Variants in CCDC15 observed in about 807,000 individuals in gnomAD.
The protein encoded by CCDC15 is coiled-coil domain-containing protein 15.
Under a neutral mutation model 114.5 loss-of-function variants are expected in CCDC15, and 105 were observed. The observed-to-expected ratio is 0.92, with a 90% CI of 0.78 to 1.08. The LOEUF (loss-of-function observed/expected upper bound fraction) is 1.08. Among genes scored for constraint, CCDC15 ranks in the 50% least tolerant of loss-of-function variants. The pLI, the probability that CCDC15 is intolerant of heterozygous loss-of-function variation, is 0.00. For synonymous variants in CCDC15, 334 were observed against 377.8 expected, an observed-to-expected ratio of 0.88 and a Z score of 1.34; for missense variants, 1,105 against 1,093.6, an observed-to-expected ratio of 1.01 and a Z score of -0.15.
intron 2 of CCDC15, among the ~76,000 whole-genome samples, chr11:124,957,450 G>A (rs1484893958): frequency 6.6e-6 from 1 of 152,188 alleles, no homozygotes; most frequent in Non-Finnish European, 1.5e-5. Context: ...TCACAGCATG[G>A]TAATCTCAGG....
At chr11:124,997,588 C>T (rs1565373130) in intron 11 of CCDC15, among the ~76,000 whole-genome samples, 1 of 152,110 alleles carries the variant, frequency 6.6e-6, no homozygotes, top group Non-Finnish European at 1.5e-5. Context: ...TGCTCCTGGC[C>T]ATCATTTTAG....
chr11:125,026,336 G>T (rs756192170), intron 13 of CCDC15, among the ~76,000 whole-genome samples: 13 of 152,134 alleles, frequency 8.5e-5, no homozygotes, highest in Non-Finnish European at 1.9e-4. Context: ...TAGCAGCACT[G>T]TGTTCCATTA....
intron 13 of CCDC15, among the ~76,000 whole-genome samples, chr11:125,007,127 A>G (rs1454836041): frequency 6.6e-6 from 1 of 152,192 alleles, no homozygotes; most frequent in Non-Finnish European, 1.5e-5. Flanking sequence ...GTTTTGAAAT[A>G]TACAATAAAT....
chr11:125,040,324 A>T (rs930004063), intron 15 of CCDC15, among the ~76,000 whole-genome samples: 2 of 152,166 alleles, frequency 1.3e-5, no homozygotes, highest in Non-Finnish European at 2.9e-5. Flanking sequence ...GGTGTGAGCC[A>T]CTGTGCCTGG....
chr11:124,967,959 G>T (rs1264884794), intron 4 of CCDC15, among the ~76,000 whole-genome samples: 1 of 152,216 alleles, frequency 6.6e-6, no homozygotes, highest in Non-Finnish European at 1.5e-5. Context: ...GGTATCACCA[G>T]TGGAGGCTGC....
chr11:125,028,579 T>C (rs1172408048), intron 13 of CCDC15, among the ~76,000 whole-genome samples: 2 of 152,176 alleles, frequency 1.3e-5, no homozygotes, highest in African/African-American at 4.8e-5. Flanking sequence ...CTTGATTTGA[T>C]GATTTGATTC....
intron 4 of CCDC15, among the ~76,000 whole-genome samples, chr11:124,974,878 C>T (rs1321558281): frequency 2.6e-5 from 4 of 152,072 alleles, no homozygotes; most frequent in East Asian, 1.9e-4. Flanking sequence ...TTTGAGTAAC[C>T]GCCCTTAAAC....
chr11:124,967,759 T>A (rs1267053966), intron 4 of CCDC15, among the ~76,000 whole-genome samples: 1 of 152,248 alleles, frequency 6.6e-6, no homozygotes, highest in Non-Finnish European at 1.5e-5. Flanking sequence ...TTTCTCCCCA[T>A]CTTTGTGGTT....
At position 124,991,514 on chromosome 11, in the gene CCDC15, AG is replaced by A. The variant is rs779973144; in HGVS notation, c.1963del (p.Asp655ThrfsTer29). 6.5e-5 allele frequency: 105 copies of A among 1,608,608 alleles called. No individual in the cohort carries two copies. The African/African-American group carries it at 1.2e-3, about 18-fold the overall frequency. On this transcript the variant is annotated frameshift_variant, in exon 9 of 16. Coordinates refer to ENST00000344762, the MANE Select transcript of CCDC15 (RefSeq NM_025004.3). LOFTEE classifies it high-confidence loss of function. ...SDMTDEKGREDFSLADYQCLP... is the reference protein window; with the variant it reads ...SDMTDEKGREXFSLADYQCLP... ...ATATGACAGATGAGAAAGGGAGAGA[AG>A]ACTTTTCTCTGGCAGACTATCAGTG...
intron 13 of CCDC15, among the ~76,000 whole-genome samples, chr11:125,013,526 G>T (rs1591608708): frequency 6.6e-6 from 1 of 152,254 alleles, no homozygotes; most frequent in Middle Eastern, 3.4e-3. Context: ...AGGGCACTGG[G>T]AACAGAGAGT....
chr11:125,008,200 T>C (rs561165148), intron 13 of CCDC15, among the ~76,000 whole-genome samples: 3 of 152,230 alleles, frequency 2.0e-5, no homozygotes, highest in Non-Finnish European at 4.4e-5. Flanking sequence ...CTTTGATTTC[T>C]TTCTTCAGTG....
intron 13 of CCDC15, among the ~76,000 whole-genome samples, chr11:125,008,905 A>G (rs1334358913): frequency 6.6e-6 from 1 of 152,034 alleles, no homozygotes; most frequent in Non-Finnish European, 1.5e-5. Flanking sequence ...TGTGCCTACT[A>G]ACTTCTAAAC....
intron 13 of CCDC15, among the ~76,000 whole-genome samples, chr11:125,007,237 TCCTCCCTTCCCAC>T (rs1262293258): frequency 6.6e-6 from 1 of 152,206 alleles, no homozygotes; most frequent in Non-Finnish European, 1.5e-5. Flanking sequence ...CTTCATCCTC[TCCTCCCTTCCCAC>T]CCTCTGGTTA....
intron 11 of CCDC15, among the ~76,000 whole-genome samples, chr11:124,995,836 CT>C (rs879919474): frequency 1.4e-3 from 198 of 144,122 alleles, no homozygotes; most frequent in East Asian, 1.8e-3. Context: ...GCCTTTTCTC[CT>C]TTTTTTTTTT....
intron 13 of CCDC15, among the ~76,000 whole-genome samples, chr11:125,034,101 G>A (rs1948758956): frequency 6.6e-6 from 1 of 152,166 alleles, no homozygotes; most frequent in Non-Finnish European, 1.5e-5. Flanking sequence ...CTCAGGGGAG[G>A]CCATCACTGT....
rs953757676 is a variant in CCDC15 at position 125,031,701 on chromosome 11, A to G, written c.2412-6730A>G. Among the ~76,000 whole-genome samples the G allele has an allele frequency of 6.6e-5, 10 of 152,318 alleles. No individual in the cohort carries two copies. The South Asian group carries it at 1.0e-3, about 16-fold the overall frequency. On this transcript the variant is annotated intron_variant, in intron 13 of 15. Coordinates refer to ENST00000344762, the MANE Select transcript of CCDC15 (RefSeq NM_025004.3). ...CTATGAGGGCCTGCCAAAGGCTCCA[A>G]ACAGCATCCTTATCTGCCACTGACA...
intron 13 of CCDC15, among the ~76,000 whole-genome samples, chr11:125,007,414 A>C (rs982062987): frequency 6.6e-6 from 1 of 152,130 alleles, no homozygotes; most frequent in African/African-American, 2.4e-5. Flanking sequence ...ACAGGATTTC[A>C]TTCTTTTTAT....
chr11:124,979,409 C>T (rs1320995173), intron 6 of CCDC15, among the ~76,000 whole-genome samples: 1 of 152,146 alleles, frequency 6.6e-6, no homozygotes, highest in Non-Finnish European at 1.5e-5. Context: ...TCTTTTTATC[C>T]ATGAGCATGA....
chr11:124,979,751 C>A (rs1467741333), intron 6 of CCDC15, among the ~76,000 whole-genome samples: 1 of 152,094 alleles, frequency 6.6e-6, no homozygotes, highest in South Asian at 2.1e-4. Context: ...ACTTGGATGT[C>A]ATTTTTTTTC....
Sources: gnomAD v4.1 joint callset for allele counts (sites outside exome capture counted in the v4.1 genomes callset) on GRCh38, gnomAD v4.1.1 for gene constraint, MANE v1.5 for transcripts, NCBI Gene and HGNC (gene_info 2026-07-23, HGNC 2026-07-21) for gene names.